The following NUDT12 variants were observed in gnomAD, a reference collection of about 807,000 sequenced individuals.
NUDT12 encodes NAD-capped RNA hydrolase NUDT12.
Under a neutral mutation model 45.7 loss-of-function variants are expected in NUDT12, and 42 were observed. The ratio of observed to expected loss-of-function variants is 0.92; its 90% confidence interval spans 0.72 to 1.19. The LOEUF is 1.19. Among genes scored for constraint, NUDT12 ranks in the 50% most tolerant of loss-of-function variants. The pLI is 0.00. For missense variants in NUDT12, 590 were observed against 533.1 expected, an observed-to-expected ratio of 1.11 and a Z score of -1.05; for synonymous variants, 206 against 179.7, an observed-to-expected ratio of 1.15 and a Z score of -1.17.
chr5:103,550,816 G>A lies in NUDT12; in HGVS notation c.*45C>T. 1 of 1,309,572 alleles carries A rather than the reference G, an allele frequency of 7.6e-7. No individual in the cohort carries two copies. The highest frequency in any genetic ancestry group is 1.1e-6 in the Non-Finnish European group (1 of 905,078). 81.1% of individuals were successfully genotyped at this position (1,309,572 alleles called of 1,614,324 possible). A position where few individuals can be genotyped will look rare whatever the true frequency, so the allele number is the denominator to read the frequency against. ...CTCTAATATCACTTGAGGAATGAGT[G>A]TTATTAGAAATTATTAAATAATACT... On this transcript the variant is annotated 3_prime_UTR_variant, in exon 7 of 7. Transcript: ENST00000230792.
In NUDT12 at chr5:103,558,886, T is replaced by G. The variant is rs2112455234; in HGVS notation, c.789A>C (p.Lys263Asn). 1 of 1,558,344 alleles carries G rather than the reference T, an allele frequency of 6.4e-7. No homozygotes were observed. Reference protein sequence around the residue: ...PMPALLQLKEKEAGVVAQARS... With the variant: ...PMPALLQLKENEAGVVAQARS... The stretch of plus-strand genomic sequence containing the variant: ...GCAGCATTCATTTCTTACCAGCTTC[T>G]TTTTCTTTCAATTGCAGAAGGGCTG... The change falls in exon 3 of 7, where the codon AAA (lysine) becomes AAC (asparagine). Residue 263 changes from lysine to asparagine, a missense_variant. Physicochemically the swap from Lys to Asn is moderately conservative, Grantham distance 94. Transcript: ENST00000230792.
At position 103,550,828 on chromosome 5, in the gene NUDT12, T is replaced by C. The variant is rs769659584; in HGVS notation, c.*33A>G. ...TTGAGGAATGAGTGTTATTAGAAATTATTAAATAATACTCAAAGCTTAGTT... is the reference window on the plus strand; with the variant it reads ...TTGAGGAATGAGTGTTATTAGAAATCATTAAATAATACTCAAAGCTTAGTT... On this transcript the variant is annotated 3_prime_UTR_variant, in exon 7 of 7. Transcript: ENST00000230792. 4.2e-6 allele frequency: 6 copies of C among 1,433,206 alleles called. No homozygotes were observed. The highest frequency in any genetic ancestry group is 1.7e-4 in the Middle Eastern group (1 of 5,716). 88.8% of individuals were successfully genotyped at this position (1,433,206 alleles called of 1,614,324 possible). A position where few individuals can be genotyped will look rare whatever the true frequency, so the allele number is the denominator to read the frequency against.
chr5:103,558,271 T>C (rs1223549656), intron 3 of NUDT12, among the ~76,000 whole-genome samples: 4 of 152,090 alleles, frequency 2.6e-5, no homozygotes, highest in African/African-American at 9.7e-5. Flanking sequence ...CTATCCCTTC[T>C]ACCTCGAGAA....
In NUDT12 at chr5:103,561,808, A is replaced by G. The variant is rs559806608; in HGVS notation, c.-7+895T>C. Among the ~76,000 whole-genome samples the G allele has an allele frequency of 2.6e-5, 4 of 152,298 alleles. No homozygotes were observed. The South Asian group carries it at 8.3e-4, about 32-fold the overall frequency. On this transcript the variant is annotated intron_variant, in intron 1 of 6. Coordinates refer to ENST00000230792, the MANE Select transcript of NUDT12 (RefSeq NM_031438.4). ...CACCGTCACTCCCTCACATTCTCAC[A>G]GGCCGCGCCAGGTAACTGCAAAATT...
intron 5 of NUDT12, among the ~76,000 whole-genome samples, chr5:103,552,735 A>G (rs192719079): frequency 2.6e-4 from 39 of 152,146 alleles, no homozygotes; most frequent in Admixed American, 9.8e-4. Context: ...AACACTTTAT[A>G]TCTTATCTCA....
In NUDT12 at chr5:103,558,096, T is replaced by C. The variant is rs1206135795; in HGVS notation, c.796+783A>G. Among the ~76,000 whole-genome samples, 8 of 152,076 alleles carry C rather than the reference T, an allele frequency of 5.3e-5. No homozygotes were observed. In the South Asian group the frequency reaches 1.2e-3, roughly 24 times the overall value. On this transcript the variant is annotated intron_variant, in intron 3 of 6. Coordinates refer to ENST00000230792, the MANE Select transcript of NUDT12 (RefSeq NM_031438.4). ...CAGTCATTCTTAATCTTTTCCTTCA[T>C]TATTATATATCCCATATCCAATTCA...
intron 6 of NUDT12, among the ~76,000 whole-genome samples, chr5:103,551,847 A>G (rs1416158056): frequency 1.3e-5 from 2 of 152,164 alleles, no homozygotes; most frequent in Non-Finnish European, 2.9e-5. Context: ...ATGTTTTTTG[A>G]GAGCTACTTG....
rs1039494668 is a variant in NUDT12 at position 103,549,349 on chromosome 5, T to C, written c.*1512A>G. The C allele has an allele frequency of 1.3e-5, 2 of 152,030 alleles. No homozygotes were observed. The highest frequency in any genetic ancestry group is 4.8e-5 in the African/African-American group (2 of 41,468). 9.4% of individuals were successfully genotyped at this position (152,030 alleles called of 1,614,324 possible). A position where few individuals can be genotyped will look rare whatever the true frequency, so the allele number is the denominator to read the frequency against. ...CTTCATCAATTCCTAAGAAAATCAC[T>C]GCTCATTAGTAAAATAAAGTTTTAT... On this transcript the variant is annotated 3_prime_UTR_variant, in exon 7 of 7. Coordinates refer to ENST00000230792, the MANE Select transcript of NUDT12 (RefSeq NM_031438.4).
rs768582427 is a variant in NUDT12, at chr5:103,550,946, T to C, written c.1304A>G (p.Lys435Arg). The C allele has an allele frequency of 1.2e-6, 2 of 1,613,642 alleles. No individual in the cohort carries two copies. Among genetic ancestry groups the C allele is most frequent in the East Asian group, 4.5e-5 (2 of 44,880 alleles). ...EQVLDVLTKG[K>R]QQAFFVPPSR... ...TGGTGGCACAAAGAATGCCTGCTGCTTCCCTTTGGTCAGAACATCCAGGAC... is the reference window on the plus strand; with the variant it reads ...TGGTGGCACAAAGAATGCCTGCTGCCTCCCTTTGGTCAGAACATCCAGGAC... Residue 435 changes from lysine (K) to arginine (R), a missense_variant, in exon 7 of 7, where the codon AAG becomes AGG. Physicochemically the swap from Lys to Arg is conservative, Grantham distance 26 (BLOSUM62 2). Transcript: ENST00000230792.
At chr5:103,553,034 C>G (rs564790356) in intron 5 of NUDT12, among the ~76,000 whole-genome samples, 4 of 152,112 alleles carry the variant, frequency 2.6e-5, no homozygotes, top group African/African-American at 9.6e-5. Flanking sequence ...GAAATTGTTT[C>G]TAAGTAAAAT....
Position 103,552,212 on chromosome 5 carries a change from T to G in NUDT12, c.1278+5A>C, listed in dbSNP as rs1748673899. 1 of 1,608,970 alleles carries G rather than the reference T, an allele frequency of 6.2e-7. No individual in the cohort carries two copies. The highest frequency in any genetic ancestry group is 1.7e-5 in the Admixed American group (1 of 59,916). Reference sequence around the variant, plus strand: ...ATAGAAGAAGGAAATTAAATTGAACTTTACCTGTTCTCTAGTGAACCAGCG... The same window carrying G: ...ATAGAAGAAGGAAATTAAATTGAACGTTACCTGTTCTCTAGTGAACCAGCG... On this transcript the variant is annotated splice_donor_5th_base_variant and intron_variant, in intron 6 of 6. Coordinates refer to ENST00000230792, the MANE Select transcript of NUDT12 (RefSeq NM_031438.4).
Position 103,558,947 on chromosome 5 carries a change from C to A in NUDT12, c.728G>T (p.Arg243Ile), listed in dbSNP as rs751078193. ...ATGAAGAAAGTAACAATTTTCATGT[C>A]TTTGCTTGAATTCTTCAGCAGCAAT... The part of the protein sequence containing the change: ...DPIAAEEFKQ[R>I]HENCYFLHPP... Residue 243 changes from arginine (R) to isoleucine (I), a missense_variant, in exon 3 of 7, where the codon AGA becomes ATA. Transcript: ENST00000230792. The A allele has an allele frequency of 2.5e-6, 4 of 1,611,164 alleles. No individual in the cohort carries two copies. The highest frequency in any genetic ancestry group is 2.5e-6 in the Non-Finnish European group (3 of 1,178,786).
intron 4 of NUDT12, 149 bp downstream of exon 4, chr5:103,555,782 T>C (rs955395409): frequency 1.1e-5 from 5 of 470,054 alleles, no homozygotes; most frequent in South Asian, 1.7e-4. Context: ...TTAAAAATCA[T>C]GAAAGTGTGT....
In NUDT12 at chr5:103,552,412, C is replaced by T; in HGVS notation, c.1083G>A (p.Glu361=). The T allele has an allele frequency of 6.2e-7, 1 of 1,613,142 alleles. No homozygotes were observed. The highest frequency in any genetic ancestry group is 8.5e-7 in the Non-Finnish European group (1 of 1,179,310). Reference sequence around the variant, plus strand: ...CTCTCCTAACAGCATCTTCTATTGTCTCTCCTAATGAAATGGAGCAAAAGA... The same window carrying T: ...CTCTCCTAACAGCATCTTCTATTGTTTCTCCTAATGAAATGGAGCAAAAGA... ...TCLAGFIEPG[E]TIEDAVRREV... is the part of the protein sequence containing the mutation. Residue 361 remains glutamate (E), a synonymous_variant, in exon 6 of 7, where the codon GAG becomes GAA. Transcript: ENST00000230792.
intron 3 of NUDT12, among the ~76,000 whole-genome samples, chr5:103,556,959 C>T (rs1425255466): frequency 6.6e-6 from 1 of 151,874 alleles, no homozygotes; most frequent in African/African-American, 2.4e-5. Flanking sequence ...TTGCCTGCTA[C>T]GTAACCTTGT....
chr5:103,551,124 T>TG (rs1748643049), intron 6 of NUDT12, among the ~76,000 whole-genome samples, 153 bp from the exon 7 acceptor site: 2 of 152,098 alleles, frequency 1.3e-5, no homozygotes, highest in African/African-American at 4.8e-5. Context: ...ATGCAAAGTT[T>TG]TTTTTTTTTT....
At chr5:103,555,595 C>T (rs1227483893) in intron 4 of NUDT12, among the ~76,000 whole-genome samples, 1 of 151,958 alleles carries the variant, frequency 6.6e-6, no homozygotes, top group Non-Finnish European at 1.5e-5. Context: ...AAAGCTAGGG[C>T]CAGGCTGTAC....
intron 6 of NUDT12, 125 bp from the exon 7 acceptor site, chr5:103,551,096 G>T: frequency 1.5e-6 from 1 of 656,776 alleles, no homozygotes; most frequent in African/African-American, 1.8e-5. Context: ...AGTAGAAAGT[G>T]ACAACATCCA....
chr5:103,554,387 C>T (rs1483623933), intron 5 of NUDT12: 2 of 156,514 alleles, frequency 1.3e-5, no homozygotes, highest in Admixed American at 1.3e-4. Flanking sequence ...TGGGGGCTAA[C>T]TAATGTATCT....
Sources: allele counts gnomAD v4.1 joint callset (sites outside exome capture counted in the v4.1 genomes callset), GRCh38; gene constraint gnomAD v4.1.1; transcripts MANE v1.5; gene names NCBI Gene and HGNC (gene_info 2026-07-23, HGNC 2026-07-21).